The following WARS2 variants were observed in gnomAD, a reference collection of about 807,000 sequenced individuals.
The protein encoded by WARS2 is tryptophan--tRNA ligase, mitochondrial.
Under a neutral mutation model 36.5 loss-of-function variants are expected in WARS2, and 28 were observed. That is an observed-to-expected ratio of 0.77 (90% CI 0.57 to 1.05). The LOEUF (loss-of-function observed/expected upper bound fraction) is 1.05. WARS2 is among the 50% of genes least tolerant of loss of function. WARS2 has a pLI of 0.00. For synonymous variants in WARS2, 174 were observed against 178.4 expected, an observed-to-expected ratio of 0.98 and a Z score of 0.20; for missense variants, 435 against 456.8, an observed-to-expected ratio of 0.95 and a Z score of 0.44.
intron 2 of WARS2, among the ~76,000 whole-genome samples, chr1:119,047,932 T>C (rs1326380487): frequency 6.6e-6 from 1 of 152,228 alleles, no homozygotes; most frequent in Non-Finnish European, 1.5e-5. Context: ...ATTCTTCAGT[T>C]GCAGCAGTTT....
chr1:119,058,371 T>C (rs1328431096), intron 2 of WARS2, among the ~76,000 whole-genome samples: 1 of 116,352 alleles, frequency 8.6e-6, no homozygotes, highest in South Asian at 2.6e-4. Flanking sequence ...GTTAGTTACA[T>C]ATGTATACAT....
At chr1:119,136,923 C>A (rs1656550257) in intron 1 of WARS2, among the ~76,000 whole-genome samples, 1 of 152,140 alleles carries the variant, frequency 6.6e-6, no homozygotes, top group Admixed American at 6.5e-5. Context: ...AAATCCATAA[C>A]CTCAGTCTAA....
chr1:119,056,477 T>C (rs1208911184), intron 2 of WARS2, among the ~76,000 whole-genome samples: 1 of 148,678 alleles, frequency 6.7e-6, no homozygotes, highest in Non-Finnish European at 1.5e-5. Flanking sequence ...TTTTATAGTA[T>C]ATATTTAGTC....
In WARS2 at chr1:119,032,624, A is replaced by G; in HGVS notation, c.*287T>C. The G allele has an allele frequency of 2.4e-6, 1 of 414,480 alleles. No individual in the cohort carries two copies. The highest frequency in any genetic ancestry group is 4.3e-6 in the Non-Finnish European group (1 of 231,550). 25.7% of individuals were successfully genotyped at this position (414,480 alleles called of 1,614,324 possible). ...ATTTCCCAAATTACTCCTTACTTCA[A>G]TCACATTTCTGCAGGCCAAGGAGTG... On this transcript the variant is annotated 3_prime_UTR_variant, in exon 6 of 6. Transcript: ENST00000235521.
At chr1:119,126,808 C>T (rs1361802605) in intron 1 of WARS2, 6 of 740,510 alleles carry the variant, frequency 8.1e-6, no homozygotes, top group Non-Finnish European at 1.2e-5. Context: ...TTTGTCTGTA[C>T]CTCTCAGGTC....
chr1:119,071,060 G>A (rs1473195528), intron 2 of WARS2, among the ~76,000 whole-genome samples: 1 of 152,228 alleles, frequency 6.6e-6, no homozygotes, highest in African/African-American at 2.4e-5. Context: ...GCAGGCGCCT[G>A]TAATCCCAAC....
At chr1:119,082,322 TA>T (rs1447862893) in intron 1 of WARS2, 1 of 985,346 alleles carries the variant, frequency 1.0e-6, no homozygotes, top group African/African-American at 1.7e-5. Flanking sequence ...CTATTTTCCT[TA>T]CACGTGCTGT....
At chr1:119,054,568 T>G (rs779896959) in intron 2 of WARS2, among the ~76,000 whole-genome samples, 3 of 152,024 alleles carry the variant, frequency 2.0e-5, no homozygotes, top group Non-Finnish European at 2.9e-5. Context: ...TACATAAGAA[T>G]CAAAAGCAGG....
intron 2 of WARS2, among the ~76,000 whole-genome samples, chr1:119,052,595 A>G (rs1649457658): frequency 6.6e-6 from 1 of 152,236 alleles, no homozygotes; most frequent in Non-Finnish European, 1.5e-5. Flanking sequence ...TAATACTTCC[A>G]AAGTTAAATA....
At chr1:119,135,949 T>C (rs1166733379) in intron 1 of WARS2, among the ~76,000 whole-genome samples, 1 of 152,140 alleles carries the variant, frequency 6.6e-6, no homozygotes, top group Non-Finnish European at 1.5e-5. Context: ...TTTTTGAATT[T>C]TTTATAGAGA....
chr1:119,099,399 T>C (rs12121239), intron 1 of WARS2, among the ~76,000 whole-genome samples: 18,998 of 152,254 alleles, frequency 0.12, 1,332 homozygotes, highest in South Asian at 0.16. Flanking sequence ...TCAGATGTTG[T>C]ATGATGACTT....
intron 1 of WARS2, chr1:119,127,053 G>T (rs961327500): frequency 9.2e-6 from 7 of 761,130 alleles, no homozygotes; most frequent in Non-Finnish European, 1.4e-5. Context: ...TTTTCTAAAT[G>T]CAACTTCATC....
intron 1 of WARS2, among the ~76,000 whole-genome samples, chr1:119,122,641 C>T (rs2101541206): frequency 6.6e-6 from 1 of 152,270 alleles, no homozygotes; most frequent in South Asian, 2.1e-4. Context: ...TGGAACCAGC[C>T]TAAATGCCCA....
chr1:119,089,182 T>C lies in WARS2; in HGVS notation c.91-12575A>G, dbSNP rs587675528. Among the ~76,000 whole-genome samples, 4 of 152,278 alleles carry C rather than the reference T, an allele frequency of 2.6e-5. No homozygotes were observed. In the South Asian group the frequency reaches 6.2e-4, roughly 24 times the overall value. On this transcript the variant is annotated intron_variant, in intron 1 of 5. Coordinates refer to ENST00000235521, the MANE Select transcript of WARS2 (RefSeq NM_015836.4). The stretch of plus-strand genomic sequence containing the variant: ...CTAAAGTTAGTTTCCTGGCATAAAA[T>C]AGTTTACAAAAAAGGGAATTTTTTT...
chr1:119,116,205 G>GTAGTTAGTAAGTGGAGTAAGTA (rs897076271), intron 1 of WARS2, among the ~76,000 whole-genome samples: 5 of 152,196 alleles, frequency 3.3e-5, no homozygotes, highest in Non-Finnish European at 7.3e-5. Context: ...GACCAGCTTT[G>GTAGTTAGTAAGTGGAGTAAGTA]TAGTTAGTAA....
chr1:119,079,806 T>C (rs908752297), intron 1 of WARS2, among the ~76,000 whole-genome samples: 3 of 152,252 alleles, frequency 2.0e-5, no homozygotes, highest in East Asian at 1.9e-4. Context: ...GAAACCCAAA[T>C]GATCTGTGGC....
rs149515458 is a variant in WARS2, at chr1:119,076,499, C to G, written c.199G>C (p.Asp67His). Residue 67 changes from aspartate to histidine, a missense_variant, in exon 2 of 6, where the codon GAC (aspartate) becomes CAC (histidine). Transcript: ENST00000235521. ...TCAACAATGCTGTATAATACAGAGT[C>G]ATATTCATCCTGTAACCTCACCCAG... ...ESWVRLQDEY[D>H]SVLYSIVDLH... 5.8e-4 allele frequency: 935 copies of G among 1,614,150 alleles called. 8 individuals are homozygous for G. Among genetic ancestry groups the G allele is most frequent in the East Asian group, 2.5e-3 (114 of 44,870 alleles).
At chr1:119,070,524 C>T (rs1375680650) in intron 2 of WARS2, among the ~76,000 whole-genome samples, 2 of 152,080 alleles carry the variant, frequency 1.3e-5, no homozygotes, top group Admixed American at 1.3e-4. Context: ...GCCTCAGCCT[C>T]CCAAAGTGCT....
Position 119,032,824 on chromosome 1 carries a change from A to G in WARS2, c.*87T>C. Reference sequence around the variant, plus strand: ...ATACCAAATTAAATGTCCCAAAACTATAACTTTTTCTTTTTAGGAAAGCTG... The same window carrying G: ...ATACCAAATTAAATGTCCCAAAACTGTAACTTTTTCTTTTTAGGAAAGCTG... On this transcript the variant is annotated 3_prime_UTR_variant, in exon 6 of 6. Transcript: ENST00000235521. The G allele has an allele frequency of 2.3e-6, 3 of 1,291,708 alleles. No homozygotes were observed. The highest frequency in any genetic ancestry group is 1.5e-5 in the South Asian group (1 of 68,134). 80.0% of individuals were successfully genotyped at this position (1,291,708 alleles called of 1,614,324 possible).
Sources: allele counts gnomAD v4.1 joint callset (sites outside exome capture counted in the v4.1 genomes callset), GRCh38; gene constraint gnomAD v4.1.1; transcripts MANE v1.5; gene names NCBI Gene and HGNC (gene_info 2026-07-23, HGNC 2026-07-21).